The following BCO1 variants were observed in gnomAD, a reference collection of about 807,000 sequenced individuals.
BCO1 encodes beta-carotene oxygenase 1.
In BCO1, 54 loss-of-function variants were observed where a neutral mutation model predicts 56.3. The observed-to-expected ratio is 0.96, with a 90% CI of 0.77 to 1.20. The LOEUF (loss-of-function observed/expected upper bound fraction) is 1.20, where lower values mean the gene tolerates loss of function less well. Among genes scored for constraint, BCO1 ranks in the 50% most tolerant of loss-of-function variants. BCO1 has a pLI of 0.00. For synonymous variants in BCO1, 318 were observed against 266.1 expected, an observed-to-expected ratio of 1.20 and a Z score of -1.90; for missense variants, 801 against 690.9, an observed-to-expected ratio of 1.16 and a Z score of -1.79.
At chr16:81,282,482 T>G (rs115830097) in intron 8 of BCO1, among the ~76,000 whole-genome samples, 1,854 of 152,272 alleles carry the variant, frequency 0.012, 37 homozygotes, top group African/African-American at 0.042. Flanking sequence ...GCACATAGAC[T>G]TGGGGACTCT....
chr16:81,241,446 G>C (rs1195108688), intron 1 of BCO1, among the ~76,000 whole-genome samples: 3 of 152,198 alleles, frequency 2.0e-5, no homozygotes, highest in African/African-American at 7.2e-5. Flanking sequence ...TAGAACACGA[G>C]AGGCTGAGTG....
In BCO1 at chr16:81,261,421, C is replaced by T. The variant is rs949440466; in HGVS notation, c.324-715C>T. Among the ~76,000 whole-genome samples the T allele has an allele frequency of 2.0e-5, 3 of 152,126 alleles. No individual in the cohort carries two copies. In the East Asian group the frequency reaches 5.8e-4, roughly 29 times the overall value. ...TAAAAACTAATTTCCTGGATAAATT[C>T]GAGATAACCAGTGTGGACTCACATT... On this transcript the variant is annotated intron_variant, in intron 3 of 10. Transcript: ENST00000258168.
At chr16:81,289,678 C>T (rs1289123900) in intron 10 of BCO1, among the ~76,000 whole-genome samples, 1 of 152,132 alleles carries the variant, frequency 6.6e-6, no homozygotes, top group African/African-American at 2.4e-5. Context: ...CCGAATACCA[C>T]TCTTCGATGC....
chr16:81,272,659 A>C (rs4888133), intron 7 of BCO1, among the ~76,000 whole-genome samples: 102,828 of 152,152 alleles, frequency 0.68, 36,392 homozygotes, highest in East Asian at 0.92. Context: ...AGACTTACAA[A>C]GGCTTCTGGC....
At chr16:81,289,933 C>T (rs141803701) in intron 10 of BCO1, among the ~76,000 whole-genome samples, 5 of 152,174 alleles carry the variant, frequency 3.3e-5, no homozygotes, top group Non-Finnish European at 7.3e-5. Context: ...GGCACGATCT[C>T]GGCTCACCGC....
chr16:81,279,798 C>T (rs1907760965), intron 7 of BCO1, among the ~76,000 whole-genome samples: 1 of 152,118 alleles, frequency 6.6e-6, no homozygotes. Flanking sequence ...TAAATTGAGA[C>T]CAAGAAATGT....
chr16:81,285,241 T>C (rs1027796230), intron 8 of BCO1, among the ~76,000 whole-genome samples: 3 of 152,272 alleles, frequency 2.0e-5, no homozygotes, highest in Admixed American at 6.5e-5. Context: ...TAGCCTCTGA[T>C]TTTAATCATG....
intron 7 of BCO1, 110 bp downstream of exon 7, chr16:81,270,526 GAAA>G: frequency 1.8e-6 from 2 of 1,092,376 alleles, no homozygotes; most frequent in Non-Finnish European, 2.5e-6. Flanking sequence ...AACTGTTCTT[GAAA>G]AAAAAAAAAG....
intron 4 of BCO1, chr16:81,262,535 C>CA (rs1906553394): frequency 6.4e-6 from 3 of 471,192 alleles, no homozygotes; most frequent in Non-Finnish European, 1.2e-5. Context: ...TTGCTTTAAA[C>CA]AACAGAAATT....
At chr16:81,285,679 G>A in intron 9 of BCO1, 45 bp downstream of exon 9, 1 of 1,382,722 alleles carries the variant, frequency 7.2e-7, no homozygotes, top group Non-Finnish European at 1.0e-6. Context: ...CAGTGATTGT[G>A]TCTATATGCA....
intron 3 of BCO1, chr16:81,261,928 C>T (rs1906509283): frequency 1.4e-5 from 7 of 518,160 alleles, no homozygotes; most frequent in Admixed American, 2.9e-5. Flanking sequence ...TTTTTTAGTA[C>T]AGACGGGGTT....
intron 1 of BCO1, among the ~76,000 whole-genome samples, chr16:81,242,118 C>A (rs536220298): frequency 6.6e-6 from 1 of 151,876 alleles, no homozygotes; most frequent in Non-Finnish European, 1.5e-5. Flanking sequence ...CAAGCCTGCC[C>A]CCTCTCCTGT....
At chr16:81,272,320 G>C (rs544819311) in intron 7 of BCO1, among the ~76,000 whole-genome samples, 1 of 151,292 alleles carries the variant, frequency 6.6e-6, no homozygotes, top group Non-Finnish European at 1.5e-5. Context: ...GGGTTTCACC[G>C]TGTTAGCCAG....
chr16:81,281,417 G>C (rs1597373946), intron 8 of BCO1, among the ~76,000 whole-genome samples: 1 of 152,196 alleles, frequency 6.6e-6, no homozygotes, highest in African/African-American at 2.4e-5. Context: ...TTGTACTCCA[G>C]CCTGGGCAAC....
intron 9 of BCO1, 96 bp downstream of exon 9, chr16:81,285,730 G>C (rs762164117): frequency 3.6e-5 from 35 of 974,746 alleles, no homozygotes; most frequent in Non-Finnish European, 1.8e-5. Context: ...TTAGAAAAGA[G>C]GAGGTCAGAA....
chr16:81,268,923 G>A (rs1597364716), intron 6 of BCO1, among the ~76,000 whole-genome samples: 1 of 151,932 alleles, frequency 6.6e-6, no homozygotes, highest in South Asian at 2.1e-4. Flanking sequence ...ATGTCTCTAT[G>A]CCTGGCTAAT....
intron 1 of BCO1, among the ~76,000 whole-genome samples, chr16:81,244,901 T>G (rs988705634): frequency 6.6e-6 from 1 of 150,646 alleles, no homozygotes; most frequent in African/African-American, 2.4e-5. Context: ...TTTTGGGGGG[T>G]TTTTTTGACA....
At chr16:81,248,121 GC>G (rs1905533619) in intron 2 of BCO1, among the ~76,000 whole-genome samples, 1 of 152,062 alleles carries the variant, frequency 6.6e-6, no homozygotes, top group Admixed American at 6.6e-5. Flanking sequence ...ATAACTACTG[GC>G]CAGTCGCGAT....
chr16:81,267,596 G>C (rs1400660924), intron 5 of BCO1, among the ~76,000 whole-genome samples: 1 of 152,196 alleles, frequency 6.6e-6, no homozygotes, highest in Admixed American at 6.5e-5. Context: ...CTGGGCAGCA[G>C]AGGGAGACTC....
Sources: allele counts gnomAD v4.1 joint callset (sites outside exome capture counted in the v4.1 genomes callset), GRCh38; gene constraint gnomAD v4.1.1; transcripts MANE v1.5; gene names NCBI Gene and HGNC (gene_info 2026-07-23, HGNC 2026-07-21).